The following NLRP2 variants were observed in gnomAD, a reference collection of about 807,000 sequenced individuals.
NLRP2 encodes NLR family pyrin domain containing 2.
A neutral mutation model predicts 97.2 loss-of-function variants in NLRP2; 107 were observed. The observed-to-expected ratio is 1.10, with a 90% CI of 0.94 to 1.29. The LOEUF (loss-of-function observed/expected upper bound fraction) is 1.29, where lower values mean the gene tolerates loss of function less well. Among genes scored for constraint, NLRP2 ranks in the 50% most tolerant of loss-of-function variants. NLRP2 has a pLI of 0.00. For missense variants in NLRP2, 1,495 were observed against 1,330.3 expected, an observed-to-expected ratio of 1.12 and a Z score of -1.93; for synonymous variants, 663 against 551.5, an observed-to-expected ratio of 1.20 and a Z score of -2.83.
rs534817547 is a variant in NLRP2, at chr19:54,982,997, C to G, written c.1299C>G (p.Leu433=). ...GCACGGGGCTGTTCCTGCGTTTCCTCTGCAGCCGGTTCCCGCAGGGCGCAC... is the reference window on the plus strand; with the variant it reads ...GCACGGGGCTGTTCCTGCGTTTCCTGTGCAGCCGGTTCCCGCAGGGCGCAC... ...LTRTGLFLRF[L]CSRFPQGAQL... Residue 433 remains leucine (L), a synonymous_variant, in exon 6 of 13, where the codon CTC becomes CTG. Coordinates refer to ENST00000448584, the MANE Select transcript of NLRP2 (RefSeq NM_017852.5). 5.0e-6 allele frequency: 8 copies of G among 1,610,684 alleles called. No individual in the cohort carries two copies. The highest frequency in any genetic ancestry group is 4.0e-5 in the African/African-American group (3 of 74,848).
chr19:54,970,613 G>A (rs1231192060), intron 2 of NLRP2, among the ~76,000 whole-genome samples: 3 of 151,566 alleles, frequency 2.0e-5, no homozygotes, highest in African/African-American at 4.8e-5. Context: ...CCGAGATCAC[G>A]CCATTGCACC....
chr19:54,994,800 A>G (rs1467679515), intron 11 of NLRP2, among the ~76,000 whole-genome samples: 2 of 151,454 alleles, frequency 1.3e-5, no homozygotes, highest in East Asian at 2.0e-4. Context: ...TAGTAGAGAC[A>G]GGGTTTCGCC....
Position 54,990,626 on chromosome 19 carries a change from C to CTG in NLRP2, c.2667_2668dup (p.Glu890ValfsTer4). Reference sequence around the variant, plus strand: ...CATTGGGAATACAGGGGTGAAGTTTCTGTGTGAGGGCTTGAGGTACCCCGA... The same window carrying CTG: ...CATTGGGAATACAGGGGTGAAGTTTCTGTGTGTGAGGGCTTGAGGTACCCCGA... On this transcript the variant is annotated frameshift_variant, in exon 10 of 13. Transcript: ENST00000448584. LOFTEE classifies it high-confidence loss of function. 6.2e-7 allele frequency: 1 copy of CTG among 1,614,126 alleles called. No individual in the cohort carries two copies. Among genetic ancestry groups the CTG allele is most frequent in the Non-Finnish European group, 8.5e-7 (1 of 1,180,038 alleles).
rs1602294417 is a variant in NLRP2 at position 54,970,124 on chromosome 19, C to T, written c.109C>T (p.His37Tyr). 6.2e-7 allele frequency: 1 copy of T among 1,614,068 alleles called. No homozygotes were observed. Among genetic ancestry groups the T allele is most frequent in the Non-Finnish European group, 8.5e-7 (1 of 1,180,022 alleles). The stretch of plus-strand genomic sequence containing the variant: ...TCTGATCACGACCTTCTCCCTGGCA[C>T]ACGAGCTCCAGAAGATCCCCCACAA... ...KYLITTFSLA[H>Y]ELQKIPHKEV... Residue 37 changes from histidine (H) to tyrosine (Y), a missense_variant, in exon 2 of 13, where the codon CAC (histidine) becomes TAC (tyrosine). His to Tyr is a moderately conservative substitution (Grantham distance 83). Transcript: ENST00000448584.
chr19:54,991,855 A>T, intron 10 of NLRP2, among the ~76,000 whole-genome samples: 1 of 151,208 alleles, frequency 6.6e-6, no homozygotes, highest in Non-Finnish European at 1.5e-5. Context: ...TGTCTCAAAA[A>T]AAAAAAAAAA....
intron 10 of NLRP2, chr19:54,993,645 G>A: frequency 6.1e-6 from 1 of 162,756 alleles, no homozygotes; most frequent in Non-Finnish European, 1.4e-5. Flanking sequence ...GGGAGTTCAA[G>A]ACCAGCCTGG....
chr19:54,986,271 G>T lies in NLRP2; in HGVS notation c.2322G>T (p.Leu774Phe), dbSNP rs756558130. 6.2e-7 allele frequency: 1 copy of T among 1,614,080 alleles called. No homozygotes were observed. The highest frequency in any genetic ancestry group is 1.1e-5 in the South Asian group (1 of 91,086). The change falls in exon 8 of 13, where the codon TTG (leucine) becomes TTT (phenylalanine). Residue 774 changes from leucine (L) to phenylalanine (F), a missense_variant. Physicochemically the swap from Leu to Phe is conservative, Grantham distance 22 (BLOSUM62 0). Transcript: ENST00000448584. Reference sequence around the variant, plus strand: ...ACCAGGATGATATGTTTCCCGCATTGTGTGAGGTCTTGAGACATCCAGAAT... The same window carrying T: ...ACCAGGATGATATGTTTCCCGCATTTTGTGAGGTCTTGAGACATCCAGAAT... ...GNDQDDMFPA[L>F]CEVLRHPECN...
At chr19:54,973,159 C>T (rs1395093621) in intron 2 of NLRP2, among the ~76,000 whole-genome samples, 3 of 151,528 alleles carry the variant, frequency 2.0e-5, no homozygotes, top group Admixed American at 6.6e-5. Context: ...CCACTGCGCT[C>T]CAGCCTGGGT....
intron 4 of NLRP2, 100 bp downstream of exon 4, chr19:54,977,923 T>G (rs2071349369): frequency 3.7e-6 from 4 of 1,072,868 alleles, no homozygotes; most frequent in South Asian, 2.6e-5. Flanking sequence ...TCTCCAATCT[T>G]TTCCTCCACT....
chr19:54,979,571 G>T (rs1012403884), intron 4 of NLRP2, among the ~76,000 whole-genome samples: 1 of 151,734 alleles, frequency 6.6e-6, no homozygotes, highest in Non-Finnish European at 1.5e-5. Context: ...GGCTGGTCTT[G>T]AACTCCTGAC....
intron 10 of NLRP2, among the ~76,000 whole-genome samples, chr19:54,992,137 G>T (rs537871448): frequency 1.3e-5 from 2 of 151,420 alleles, no homozygotes; most frequent in Non-Finnish European, 2.9e-5. Context: ...GGTTGGTCTC[G>T]AACTGACCTC....
chr19:54,981,453 C>T (rs753246377), intron 4 of NLRP2, among the ~76,000 whole-genome samples, 164 bp from the exon 5 acceptor site: 1 of 152,078 alleles, frequency 6.6e-6, no homozygotes, highest in Non-Finnish European at 1.5e-5. Context: ...TAGGCATGAG[C>T]CACCACACCT....
intron 2 of NLRP2, among the ~76,000 whole-genome samples, chr19:54,972,282 A>G (rs1228313516): frequency 2.0e-5 from 3 of 151,926 alleles, no homozygotes; most frequent in African/African-American, 2.4e-5. Flanking sequence ...CCTGGGTTCA[A>G]GTGTTTCTCC....
At chr19:55,000,279 T>TC (rs1159784948) in intron 12 of NLRP2, among the ~76,000 whole-genome samples, 2 of 37,466 alleles carry the variant, frequency 5.3e-5, no homozygotes, top group Non-Finnish European at 1.2e-4. Context: ...TCTTTTTTTT[T>TC]TTTTTTTTTT....
intron 12 of NLRP2, among the ~76,000 whole-genome samples, chr19:55,000,270 CTTTTTTTTTTTTTTTTTTTTTTTTTTT>C (rs1157138794): frequency 2.5e-4 from 9 of 36,000 alleles, no homozygotes; most frequent in African/African-American, 1.0e-3. Flanking sequence ...GAGAGACTGT[CTTTTTTTTTTTTTTTTTTTTTTTTTTT>C]TTTTTTTTTT....
intron 4 of NLRP2, 39 bp from the exon 5 acceptor site, chr19:54,981,578 T>G (rs1485542328): frequency 2.0e-6 from 2 of 981,252 alleles, no homozygotes; most frequent in South Asian, 2.5e-5. Context: ...GAAATACACC[T>G]GATTTTGTGT....
intron 2 of NLRP2, among the ~76,000 whole-genome samples, chr19:54,971,827 A>G (rs1324108112): frequency 6.6e-6 from 1 of 151,312 alleles, no homozygotes; most frequent in Non-Finnish European, 1.5e-5. Context: ...CACATGAACT[A>G]TGGTTATTTA....
intron 1 of NLRP2, among the ~76,000 whole-genome samples, chr19:54,966,736 C>G (rs2070447820): frequency 1.3e-5 from 2 of 150,154 alleles, no homozygotes; most frequent in Admixed American, 1.3e-4. Context: ...TTAGTAGAGA[C>G]GGGGTTTCAC....
chr19:54,978,256 C>T (rs893832502), intron 4 of NLRP2, among the ~76,000 whole-genome samples: 4 of 135,858 alleles, frequency 2.9e-5, no homozygotes, highest in Admixed American at 2.3e-4. Context: ...TTTTTTGAGA[C>T]GAAGTCTTGT....
Sources: allele counts gnomAD v4.1 joint callset (sites outside exome capture counted in the v4.1 genomes callset), GRCh38; gene constraint gnomAD v4.1.1; transcripts MANE v1.5; gene names NCBI Gene and HGNC (gene_info 2026-07-23, HGNC 2026-07-21).